Variants in GLIS1 observed in about 807,000 individuals in gnomAD.
GLIS1 encodes zinc finger protein GLIS1.
In GLIS1, 24 loss-of-function variants were observed where a neutral mutation model predicts 63.8. The ratio of observed to expected loss-of-function variants is 0.38; its 90% CI spans 0.27 to 0.53. GLIS1 has a LOEUF of 0.53. Ranked by LOEUF, GLIS1 falls within the 20% of genes least tolerant of loss-of-function variation. GLIS1 has a pLI of 0.85. For synonymous variants in GLIS1, 450 were observed against 482.5 expected, an observed-to-expected ratio of 0.93 and a Z score of 0.88; for missense variants, 1,036 against 1,074.1, an observed-to-expected ratio of 0.96 and a Z score of 0.50.
At chr1:53,566,357 C>A (rs572671459) in intron 4 of GLIS1, among the ~76,000 whole-genome samples, 2 of 152,090 alleles carry the variant, frequency 1.3e-5, no homozygotes, top group African/African-American at 4.8e-5. Flanking sequence ...ATGAAAAAAA[C>A]CTATTGGAAC....
intron 10 of GLIS1, among the ~76,000 whole-genome samples, chr1:53,507,258 C>T (rs182019687): frequency 1.4e-4 from 21 of 152,330 alleles, no homozygotes; most frequent in African/African-American, 3.4e-4. Flanking sequence ...CAGCTTGCCT[C>T]GCTTCGGCTC....
At chr1:53,510,173 C>T (rs977659445) in intron 8 of GLIS1, 146 bp from the exon 9 acceptor site, 1 of 423,054 alleles carries the variant, frequency 2.4e-6, no homozygotes, top group African/African-American at 2.0e-5. Context: ...AGAAGAGGAG[C>T]TTTTATTTTT....
intron 9 of GLIS1, among the ~76,000 whole-genome samples, chr1:53,509,632 A>AGTGTG (rs1644277175): frequency 6.6e-6 from 1 of 152,074 alleles, no homozygotes; most frequent in Non-Finnish European, 1.5e-5. Context: ...TGTCCAGAAC[A>AGTGTG]CACTCTTCCT....
At position 53,511,689 on chromosome 1, in the gene GLIS1, G is replaced by A. The variant is rs1644299903; in HGVS notation, c.1884-1662C>T. Among the ~76,000 whole-genome samples, 1 of 152,174 alleles carries A rather than the reference G, an allele frequency of 6.6e-6. No individual in the cohort carries two copies. Among genetic ancestry groups the A allele is most frequent in the Non-Finnish European group, 1.5e-5 (1 of 68,010 alleles). ...GGCCTGTCTTGTGGGGTGATCAAGTGGGACAGCGTCTTCCTCTATGCACTA... is the reference window on the plus strand; with the variant it reads ...GGCCTGTCTTGTGGGGTGATCAAGTAGGACAGCGTCTTCCTCTATGCACTA... On this transcript the variant is annotated intron_variant, in intron 8 of 10. Coordinates refer to ENST00000628545, the MANE Select transcript of GLIS1 (RefSeq NM_001367484.1). The surrounding 1 kb of genome is among the most constrained non-coding windows in gnomAD (Gnocchi z 4.2).
chr1:53,601,665 A>G (rs573440873), intron 2 of GLIS1, among the ~76,000 whole-genome samples: 2 of 152,248 alleles, frequency 1.3e-5, no homozygotes, highest in African/African-American at 4.8e-5. Context: ...GGGAGGTTCA[A>G]TTACTCACCC....
At chr1:53,704,107 A>C (rs1007296677) in intron 2 of GLIS1, among the ~76,000 whole-genome samples, 6 of 152,272 alleles carry the variant, frequency 3.9e-5, no homozygotes, top group Non-Finnish European at 5.9e-5. Context: ...CTTCTCCCTC[A>C]GTGGCACTTG....
chr1:53,529,901 G>C lies in GLIS1; in HGVS notation c.1372C>G (p.Leu458Val), dbSNP rs752691868. 7 of 1,613,904 alleles carry C rather than the reference G, an allele frequency of 4.3e-6. No homozygotes were observed. The highest frequency in any genetic ancestry group is 5.9e-6 in the Non-Finnish European group (7 of 1,179,950). Residue 458 changes from leucine (L) to valine (V), a missense_variant, in exon 5 of 11, where the codon CTG becomes GTG. Physicochemically the swap from Leu to Val is conservative, Grantham distance 32. Transcript: ENST00000628545. ...GGCTTCTCGCCCGTGTGGCTCCTCA[G>C]GTGGATCTTGAGGTTCTCCAGCCGT... ...FSRLENLKIH[L>V]RSHTGEKPYL...
At chr1:53,651,645 G>T (rs1047342823) in intron 2 of GLIS1, among the ~76,000 whole-genome samples, 9 of 152,174 alleles carry the variant, frequency 5.9e-5, no homozygotes, top group African/African-American at 1.9e-4. Context: ...GGAGGTGAAG[G>T]CAGGAGGACT....
intron 4 of GLIS1, among the ~76,000 whole-genome samples, chr1:53,565,152 A>G (rs894044157): frequency 2.2e-4 from 33 of 152,208 alleles, no homozygotes; most frequent in Admixed American, 2.1e-3. Flanking sequence ...AAAACATTAT[A>G]ATGGGTATTT....
At chr1:53,621,324 G>T (rs1035062989) in intron 2 of GLIS1, among the ~76,000 whole-genome samples, 1 of 152,220 alleles carries the variant, frequency 6.6e-6, no homozygotes, top group African/African-American at 2.4e-5. Context: ...CAGGTCTTGT[G>T]GGGCTCTCCC....
chr1:53,618,728 A>G (rs1645508717), intron 2 of GLIS1, among the ~76,000 whole-genome samples: 2 of 152,134 alleles, frequency 1.3e-5, no homozygotes, highest in African/African-American at 4.8e-5. Flanking sequence ...TGCTGCCAAC[A>G]TTGCCAAGGA....
chr1:53,571,820 C>T (rs1220964893), intron 4 of GLIS1, among the ~76,000 whole-genome samples: 3 of 152,232 alleles, frequency 2.0e-5, no homozygotes, highest in African/African-American at 4.8e-5. Flanking sequence ...CCTCGTGATC[C>T]GCCCGCCTCA....
intron 6 of GLIS1, among the ~76,000 whole-genome samples, chr1:53,521,915 T>A (rs1644413265): frequency 6.6e-6 from 1 of 152,100 alleles, no homozygotes; most frequent in Non-Finnish European, 1.5e-5. Context: ...ATGCTCATCT[T>A]CCCCAGGACA....
intron 9 of GLIS1, 46 bp downstream of exon 9, chr1:53,509,803 T>G: frequency 2.6e-6 from 3 of 1,165,002 alleles, no homozygotes; most frequent in Non-Finnish European, 2.2e-6. Context: ...GGTCCCTAAG[T>G]GGGAATTGGG....
intron 2 of GLIS1, among the ~76,000 whole-genome samples, chr1:53,697,369 T>C (rs1238376618): frequency 6.6e-6 from 1 of 152,236 alleles, no homozygotes; most frequent in African/African-American, 2.4e-5. Context: ...CCTATTCCAG[T>C]TGCTTTGCAC....
intron 7 of GLIS1, among the ~76,000 whole-genome samples, chr1:53,516,850 C>A (rs552184447): frequency 6.6e-6 from 1 of 151,812 alleles, no homozygotes; most frequent in Non-Finnish European, 1.5e-5. Context: ...ACCACCACCA[C>A]CGAAAAGTGC....
At chr1:53,518,117 G>A (rs1644370750) in intron 7 of GLIS1, among the ~76,000 whole-genome samples, 1 of 152,176 alleles carries the variant, frequency 6.6e-6, no homozygotes, top group African/African-American at 2.4e-5. Context: ...AACCCAGCAG[G>A]CCGGATCCTA....
At chr1:53,529,569 C>T (rs1329185792) in intron 5 of GLIS1, among the ~76,000 whole-genome samples, 1 of 152,168 alleles carries the variant, frequency 6.6e-6, no homozygotes, top group Non-Finnish European at 1.5e-5. Flanking sequence ...GTTGTTGCGA[C>T]TGGGAGTGGG....
At chr1:53,679,200 G>A (rs934388472) in intron 2 of GLIS1, among the ~76,000 whole-genome samples, 1 of 152,194 alleles carries the variant, frequency 6.6e-6, no homozygotes, top group African/African-American at 2.4e-5. Flanking sequence ...GGCCCACTAC[G>A]AGGGGGAACG....
Sources: gnomAD v4.1 joint callset for allele counts (sites outside exome capture counted in the v4.1 genomes callset) on GRCh38, gnomAD v4.1.1 for gene constraint, Gnocchi (gnomAD v3.1) non-coding constraint, MANE v1.5 for transcripts, NCBI Gene and HGNC (gene_info 2026-07-23, HGNC 2026-07-21) for gene names.